SLC23A2: variants seen among roughly 807,000 people sequenced by gnomAD.
SLC23A2 encodes Na(+)/L-ascorbic acid transporter 2.
A neutral mutation model predicts 73.3 loss-of-function variants in SLC23A2; 36 were observed. That is an observed-to-expected ratio of 0.49 (90% CI 0.38 to 0.65). The LOEUF (loss-of-function observed/expected upper bound fraction) is 0.65. Among genes scored for constraint, SLC23A2 ranks in the 30% least tolerant of loss-of-function variants. SLC23A2 has a pLI of 0.00. For synonymous variants in SLC23A2, 343 were observed against 327.3 expected, an observed-to-expected ratio of 1.05 and a Z score of -0.52; for missense variants, 507 against 841.6, an observed-to-expected ratio of 0.60 and a Z score of 4.92.
intron 1 of SLC23A2, among the ~76,000 whole-genome samples, chr20:4,988,367 CG>C (rs2087865393): frequency 2.4e-5 from 1 of 41,604 alleles, no homozygotes; most frequent in African/African-American, 3.1e-4. Context: ...TTTGGGAAAC[CG>C]AGGGGGGGCC....
In SLC23A2 at chr20:4,957,301, T is replaced by A. The variant is rs533058545; in HGVS notation, c.-155+13492A>T. The stretch of plus-strand genomic sequence containing the variant: ...CAAGACTCCCATCTGTACAAAAAAA[T>A]TTTTTTTCTAATTACCTGGGCATGG... On this transcript the variant is annotated intron_variant, in intron 2 of 16. Transcript: ENST00000338244. Among the ~76,000 whole-genome samples, 96 of 151,858 alleles carry A rather than the reference T, an allele frequency of 6.3e-4. 2 individuals are homozygous for A. In the South Asian group the frequency reaches 0.018, roughly 28 times the overall value.
At chr20:4,905,148 G>T (rs61480881) in intron 4 of SLC23A2, among the ~76,000 whole-genome samples, 1 of 145,614 alleles carries the variant, frequency 6.9e-6, no homozygotes, top group Non-Finnish European at 1.5e-5. Context: ...AAGACTTTTC[G>T]CATCCAGGCA....
In SLC23A2 at chr20:4,863,614, T is replaced by G. The variant is rs923214892; in HGVS notation, c.1357-707A>C. On this transcript the variant is annotated intron_variant, in intron 13 of 16. Coordinates refer to ENST00000338244, the MANE Select transcript of SLC23A2 (RefSeq NM_005116.6). The surrounding 1 kb of genome is among the most constrained non-coding windows in gnomAD (Gnocchi z 4.8). Reference sequence around the variant, plus strand: ...TGCCACTGGCCTTTCCTGCACCCATTCCATGGGGCCACGGGGTCACCTTTC... The same window carrying G: ...TGCCACTGGCCTTTCCTGCACCCATGCCATGGGGCCACGGGGTCACCTTTC... 3.9e-5 allele frequency among the ~76,000 whole-genome samples: 6 copies of G among 152,142 alleles called. No individual in the cohort carries two copies. Among genetic ancestry groups the G allele is most frequent in the African/African-American group, 1.4e-4 (6 of 41,416 alleles).
At chr20:4,932,768 G>C (rs1355821615) in intron 2 of SLC23A2, 52 bp from the exon 3 acceptor site, 11 of 532,546 alleles carry the variant, frequency 2.1e-5, no homozygotes, top group Non-Finnish European at 3.7e-5. Flanking sequence ...AACAACACAG[G>C]CCATGCAGTC....
chr20:4,909,564 CTT>C (rs1325959468), intron 4 of SLC23A2, among the ~76,000 whole-genome samples: 3 of 151,980 alleles, frequency 2.0e-5, no homozygotes, highest in South Asian at 2.1e-4. Flanking sequence ...GAAAAGGTCT[CTT>C]TTGTTTTGAG....
intron 1 of SLC23A2, among the ~76,000 whole-genome samples, chr20:5,009,130 G>T (rs545376104): frequency 6.6e-6 from 1 of 152,320 alleles, no homozygotes; most frequent in South Asian, 2.1e-4. Context: ...TGGCACAGCT[G>T]TATTCTCTCA....
chr20:4,946,081 C>T (rs1448308426), intron 2 of SLC23A2, among the ~76,000 whole-genome samples: 6 of 152,184 alleles, frequency 3.9e-5, no homozygotes, highest in Non-Finnish European at 8.8e-5. Flanking sequence ...CCTTTGCACC[C>T]TAATGTGCCA....
chr20:4,954,426 G>C (rs1347703197), intron 2 of SLC23A2, among the ~76,000 whole-genome samples: 1 of 152,176 alleles, frequency 6.6e-6, no homozygotes, highest in Non-Finnish European at 1.5e-5. Context: ...GCTGGGTGCA[G>C]TGGCTCATGC....
At chr20:4,969,098 T>G (rs2087521176) in intron 2 of SLC23A2, among the ~76,000 whole-genome samples, 1 of 135,578 alleles carries the variant, frequency 7.4e-6, no homozygotes, top group Non-Finnish European at 1.7e-5. Flanking sequence ...GTCATTGTTT[T>G]GTTTTGAGAC....
chr20:4,963,180 C>T (rs1316438997), intron 2 of SLC23A2, among the ~76,000 whole-genome samples: 1 of 152,174 alleles, frequency 6.6e-6, no homozygotes, highest in Non-Finnish European at 1.5e-5. Context: ...AAACCACTCA[C>T]TTCACTCTTT....
At chr20:4,919,058 T>C (rs1258894706) in intron 3 of SLC23A2, among the ~76,000 whole-genome samples, 2 of 152,190 alleles carry the variant, frequency 1.3e-5, no homozygotes, top group Admixed American at 6.5e-5. Flanking sequence ...ATGAAAACTT[T>C]CCACCTACTT....
rs1198256790 is a variant in SLC23A2, at chr20:4,874,596, G to A, written c.925C>T (p.Gln309Ter). ...SKKGWTAYKLQLFKMFPIILA... is the reference protein window; with the variant it reads ...SKKGWTAYKL Reference sequence around the variant, plus strand: ...CTCACAGGGAACATTTTGAACAGCTGTAACTTGTACGCAGTCCATCCTTTC... The same window carrying A: ...CTCACAGGGAACATTTTGAACAGCTATAACTTGTACGCAGTCCATCCTTTC... Residue 309 changes from glutamine to a stop codon, truncating the protein, a stop_gained, in exon 10 of 17, where the codon CAG becomes TAG. Coordinates refer to ENST00000338244, the MANE Select transcript of SLC23A2 (RefSeq NM_005116.6). LOFTEE classifies it high-confidence loss of function. The A allele has an allele frequency of 1.2e-6, 2 of 1,609,672 alleles. No individual in the cohort carries two copies. The highest frequency in any genetic ancestry group is 1.1e-5 in the South Asian group (1 of 89,904).
intron 9 of SLC23A2, among the ~76,000 whole-genome samples, chr20:4,875,639 C>T (rs1930624618): frequency 6.6e-6 from 1 of 152,218 alleles, no homozygotes; most frequent in African/African-American, 2.4e-5. Context: ...GACCATGGCA[C>T]TTCCTGACAC....
In SLC23A2 at chr20:4,883,041, C is replaced by T. The variant is rs746111514; in HGVS notation, c.824+601G>A. Among the ~76,000 whole-genome samples, 1 of 151,594 alleles carries T rather than the reference C, an allele frequency of 6.6e-6. No individual in the cohort carries two copies. Among genetic ancestry groups the T allele is most frequent in the Non-Finnish European group, 1.5e-5 (1 of 68,030 alleles). On this transcript the variant is annotated intron_variant, in intron 9 of 16. Coordinates refer to ENST00000338244, the MANE Select transcript of SLC23A2 (RefSeq NM_005116.6). The surrounding 1 kb of genome is among the most constrained non-coding windows in gnomAD (Gnocchi z 4.5). ...AAACTCCCCTGTGACTTCATTAACACAAAATGTTAACTTTACTTAAAGGGC... is the reference window on the plus strand; with the variant it reads ...AAACTCCCCTGTGACTTCATTAACATAAAATGTTAACTTTACTTAAAGGGC...
rs150841881 is a variant in SLC23A2, at chr20:4,933,078, A to G, written c.-154-362T>C. Among the ~76,000 whole-genome samples the G allele has an allele frequency of 2.6e-3, 399 of 152,366 alleles. 4 individuals carry two copies. Among genetic ancestry groups the G allele is most frequent in the South Asian group, 0.019 (90 of 4,832 alleles). On this transcript the variant is annotated intron_variant, in intron 2 of 16. Transcript: ENST00000338244. Reference sequence around the variant, plus strand: ...GAGGGAGATGTTATATATCTGTCCTATCCAACAGAGTCATGTGGCTACTGA... The same window carrying G: ...GAGGGAGATGTTATATATCTGTCCTGTCCAACAGAGTCATGTGGCTACTGA...
chr20:4,953,334 TA>T (rs1000696005), intron 2 of SLC23A2, among the ~76,000 whole-genome samples: 3 of 151,024 alleles, frequency 2.0e-5, no homozygotes, highest in Non-Finnish European at 4.4e-5. Flanking sequence ...TTAAATTAAA[TA>T]AAAAAAGAAA....
At chr20:4,980,493 T>G (rs1439842391) in intron 1 of SLC23A2, among the ~76,000 whole-genome samples, 1 of 152,128 alleles carries the variant, frequency 6.6e-6, no homozygotes, top group Non-Finnish European at 1.5e-5. Context: ...AAAAAAATAG[T>G]TATATATATT....
At chr20:4,989,987 G>A (rs1340363083) in intron 1 of SLC23A2, among the ~76,000 whole-genome samples, 14 of 152,002 alleles carry the variant, frequency 9.2e-5, no homozygotes, top group Non-Finnish European at 1.6e-4. Flanking sequence ...ACAGACCGCA[G>A]AAGAAATACT....
At position 4,947,790 on chromosome 20, in the gene SLC23A2, A is replaced by G. The variant is rs1263485269; in HGVS notation, c.-154-15074T>C. On this transcript the variant is annotated intron_variant, in intron 2 of 16. Transcript: ENST00000338244. This position sits in a 1 kb window ranked among gnomAD's most constrained non-coding sequence, Gnocchi z 4.4. ...ACTCTGAAGAAAAGGCCAAAAGACC[A>G]GAATAGGCCTGAGAAGGTCATATCT... Among the ~76,000 whole-genome samples, 2 of 152,260 alleles carry G rather than the reference A, an allele frequency of 1.3e-5. No individual in the cohort carries two copies. Among genetic ancestry groups the G allele is most frequent in the African/African-American group, 4.8e-5 (2 of 41,478 alleles).
Sources: gnomAD v4.1 joint callset for allele counts (sites outside exome capture counted in the v4.1 genomes callset) on GRCh38, gnomAD v4.1.1 for gene constraint, Gnocchi (gnomAD v3.1) non-coding constraint, MANE v1.5 for transcripts, NCBI Gene and HGNC (gene_info 2026-07-23, HGNC 2026-07-21) for gene names.